Variants in NOX4 observed in about 807,000 individuals in gnomAD.
The protein encoded by NOX4 is NADPH oxidase 4.
In NOX4, 69 loss-of-function variants were observed where a neutral mutation model predicts 87.6. The ratio of observed to expected loss-of-function variants is 0.79; its 90% CI spans 0.65 to 0.96. The LOEUF is 0.96. Ranked by LOEUF, NOX4 falls within the 40% of genes least tolerant of loss-of-function variation. The pLI is 0.00. For missense variants in NOX4, 680 were observed against 681.5 expected (o/e 1.00, Z 0.02); for synonymous variants, 275 against 238.2 (o/e 1.15, Z -1.42).
chr11:89,539,162 G>A, the NOX4 span, among the ~76,000 whole-genome samples: 43 of 152,222 alleles, frequency 2.8e-4, no homozygotes, highest in Non-Finnish European at 5.3e-4. Flanking sequence ...GGCAGGATGC[G>A]GTGGCTCACG....
At chr11:89,423,075 G>A (rs531412950) in intron 7 of NOX4, among the ~76,000 whole-genome samples, 1 of 152,152 alleles carries the variant, frequency 6.6e-6, no homozygotes, top group East Asian at 1.9e-4. Context: ...TGGGATTACA[G>A]GTGTGAGCCA....
At chr11:89,516,141 T>TA in the NOX4 span, among the ~76,000 whole-genome samples, 137 of 151,298 alleles carry the variant, frequency 9.1e-4, 1 homozygote, top group African/African-American at 3.1e-3. Flanking sequence ...TCTTCATCCT[T>TA]AAAAAAAAAT....
intron 8 of NOX4, among the ~76,000 whole-genome samples, chr11:89,403,765 A>G (rs1942013097): frequency 6.6e-6 from 1 of 152,124 alleles, no homozygotes; most frequent in Admixed American, 6.6e-5. Flanking sequence ...AATAACAGCT[A>G]TGATGCTTTT....
chr11:89,367,046 T>A (rs539999818), intron 12 of NOX4, among the ~76,000 whole-genome samples: 4 of 152,252 alleles, frequency 2.6e-5, no homozygotes, highest in African/African-American at 9.6e-5. Flanking sequence ...CTGTAGAATT[T>A]ATGCCCAGTT....
At chr11:89,352,447 G>A (rs1236852610) in intron 13 of NOX4, among the ~76,000 whole-genome samples, 1 of 152,094 alleles carries the variant, frequency 6.6e-6, no homozygotes, top group African/African-American at 2.4e-5. Context: ...TTTTCATAAG[G>A]CTATAGCTAC....
chr11:89,403,165 C>G (rs932061377), intron 8 of NOX4, among the ~76,000 whole-genome samples: 7 of 152,064 alleles, frequency 4.6e-5, no homozygotes, highest in Non-Finnish European at 7.4e-5. Flanking sequence ...CAGGAGAGCC[C>G]ACACCATAAA....
chr11:89,510,497 C>G, the NOX4 span, among the ~76,000 whole-genome samples: 2 of 151,976 alleles, frequency 1.3e-5, no homozygotes, highest in Admixed American at 6.6e-5. Flanking sequence ...TCAGATGGGA[C>G]AGTAACATAA....
chr11:89,568,098 C>G, the NOX4 span, among the ~76,000 whole-genome samples: 2 of 152,144 alleles, frequency 1.3e-5, 1 homozygote, highest in Middle Eastern at 6.3e-3. Flanking sequence ...CTGGACACCA[C>G]ACCTTATGGA....
the NOX4 span, among the ~76,000 whole-genome samples, chr11:89,557,818 A>G: frequency 6.6e-6 from 1 of 152,134 alleles, no homozygotes; most frequent in African/African-American, 2.4e-5. Context: ...ACTCTCTGTT[A>G]TCTATTCAGG....
At chr11:89,383,275 C>A (rs1313453423) in intron 11 of NOX4, among the ~76,000 whole-genome samples, 1 of 152,206 alleles carries the variant, frequency 6.6e-6, no homozygotes, top group Non-Finnish European at 1.5e-5. Context: ...GAAATCTGGC[C>A]ACTGGGCCAA....
the NOX4 span, among the ~76,000 whole-genome samples, chr11:89,560,954 C>G: frequency 8.0e-6 from 1 of 124,906 alleles, no homozygotes; most frequent in Non-Finnish European, 1.6e-5. Context: ...AAATTCCCAT[C>G]TCATCTCGTC....
intron 12 of NOX4, among the ~76,000 whole-genome samples, chr11:89,365,977 AT>A (rs1938952820): frequency 6.6e-6 from 1 of 152,120 alleles, no homozygotes; most frequent in Middle Eastern, 3.2e-3. Flanking sequence ...ACATAAAATG[AT>A]TAGCAAGTGT....
At chr11:89,332,345 A>T (rs530959829) in intron 17 of NOX4, among the ~76,000 whole-genome samples, 1 of 152,014 alleles carries the variant, frequency 6.6e-6, no homozygotes, top group East Asian at 1.9e-4. Flanking sequence ...CCAGAGTAGT[A>T]ATTCTCTACT....
At chr11:89,523,779 C>A in the NOX4 span, among the ~76,000 whole-genome samples, 1 of 152,194 alleles carries the variant, frequency 6.6e-6, no homozygotes. Context: ...TGCAAGGAAA[C>A]CTATTCATCA....
intron 8 of NOX4, among the ~76,000 whole-genome samples, chr11:89,406,868 T>C (rs1329558603): frequency 2.7e-5 from 4 of 150,772 alleles, no homozygotes; most frequent in South Asian, 4.2e-4. Flanking sequence ...CTCTTGAGAG[T>C]AGAGATGGGT....
chr11:89,348,718 TAC>T (rs1242673426), intron 13 of NOX4, among the ~76,000 whole-genome samples: 7 of 151,952 alleles, frequency 4.6e-5, no homozygotes, highest in South Asian at 4.2e-4. Flanking sequence ...GCTCCACACA[TAC>T]ACAGTTTTCA....
At chr11:89,535,197 A>G in the NOX4 span, among the ~76,000 whole-genome samples, 2 of 152,326 alleles carry the variant, frequency 1.3e-5, no homozygotes, top group East Asian at 1.9e-4. Context: ...AAAAGTTAGC[A>G]TTTTTCTACT....
chr11:89,392,154 G>C (rs1425235024), intron 11 of NOX4, among the ~76,000 whole-genome samples: 2 of 152,048 alleles, frequency 1.3e-5, no homozygotes, highest in African/African-American at 4.8e-5. Flanking sequence ...GAAGAAATAA[G>C]ACAATTTTTT....
At chr11:89,432,580 T>G (rs376925572) in intron 7 of NOX4, among the ~76,000 whole-genome samples, 1 of 152,098 alleles carries the variant, frequency 6.6e-6, no homozygotes, top group Non-Finnish European at 1.5e-5. Flanking sequence ...CCATACACAA[T>G]TTCTTACCAA....
Sources: allele counts gnomAD v4.1 joint callset (sites outside exome capture counted in the v4.1 genomes callset), GRCh38; gene constraint gnomAD v4.1.1; transcripts MANE v1.5; gene names NCBI Gene and HGNC (gene_info 2026-07-23, HGNC 2026-07-21).